The following GRM8 variants were observed in gnomAD, a reference collection of about 807,000 sequenced individuals.
GRM8 encodes the protein glutamate metabotropic receptor 8, also known as metabotropic glutamate receptor 8.
Under a neutral mutation model 87.2 loss-of-function variants are expected in GRM8, and 47 were observed. The observed-to-expected ratio is 0.54, with a 90% CI of 0.43 to 0.69. GRM8 has a LOEUF of 0.69. Among genes scored for constraint, GRM8 ranks in the 30% least tolerant of loss-of-function variants. GRM8 has a pLI of 0.00. For synonymous variants in GRM8, 396 were observed against 404.5 expected (o/e 0.98, Z 0.25); for missense variants, 1,019 against 1,139.2 (o/e 0.89, Z 1.52).
At chr7:127,096,466 A>T (rs1824664782) in intron 3 of GRM8, among the ~76,000 whole-genome samples, 1 of 152,050 alleles carries the variant, frequency 6.6e-6, no homozygotes. Flanking sequence ...AGACTGAGGT[A>T]GGAGAATCGC....
chr7:127,049,373 G>T (rs1372368073), intron 3 of GRM8, among the ~76,000 whole-genome samples: 4 of 152,240 alleles, frequency 2.6e-5, no homozygotes, highest in Admixed American at 6.5e-5. Flanking sequence ...ATACAAATTT[G>T]ATCTCCAGTT....
intron 7 of GRM8, among the ~76,000 whole-genome samples, chr7:126,634,477 T>C (rs1801652723): frequency 1.3e-5 from 2 of 152,180 alleles, no homozygotes; most frequent in African/African-American, 4.8e-5. Flanking sequence ...TTCCTTTGCA[T>C]TTCAAAACTT....
chr7:126,489,888 C>T (rs1163567650), intron 9 of GRM8, among the ~76,000 whole-genome samples: 2 of 151,974 alleles, frequency 1.3e-5, no homozygotes, highest in African/African-American at 4.8e-5. Context: ...CCAAATAGAA[C>T]CAAGACGCAA....
At chr7:126,537,498 C>T (rs955430945) in intron 8 of GRM8, among the ~76,000 whole-genome samples, 15 of 152,126 alleles carry the variant, frequency 9.9e-5, no homozygotes, top group African/African-American at 2.4e-4. Flanking sequence ...CTATTTGGAC[C>T]GGACGTGGTG....
At chr7:127,153,396 C>T (rs1199047833) in intron 2 of GRM8, among the ~76,000 whole-genome samples, 1 of 152,108 alleles carries the variant, frequency 6.6e-6, no homozygotes, top group African/African-American at 2.4e-5. Context: ...CAAATCCAGA[C>T]CACAGCCGAA....
intron 6 of GRM8, among the ~76,000 whole-genome samples, chr7:126,896,431 G>T (rs1197417040): frequency 6.6e-6 from 1 of 151,974 alleles, no homozygotes; most frequent in Non-Finnish European, 1.5e-5. Context: ...ACCTACCTGG[G>T]TTATCTTTCA....
intron 3 of GRM8, among the ~76,000 whole-genome samples, chr7:126,922,440 A>T (rs1233831697): frequency 1.3e-5 from 2 of 152,156 alleles, no homozygotes; most frequent in Admixed American, 1.3e-4. Context: ...ATCAAGAAAT[A>T]GCAACATGAA....
At chr7:127,136,650 A>G (rs1827958455) in intron 2 of GRM8, among the ~76,000 whole-genome samples, 1 of 152,012 alleles carries the variant, frequency 6.6e-6, no homozygotes, top group Admixed American at 6.6e-5. Flanking sequence ...ACATGTCAGC[A>G]TCTGTGCTGT....
intron 3 of GRM8, among the ~76,000 whole-genome samples, chr7:127,016,630 GCT>G (rs1339499961): frequency 1.3e-5 from 2 of 151,970 alleles, no homozygotes; most frequent in African/African-American, 4.8e-5. Context: ...ATAAACCATT[GCT>G]CTTTCTCAAT....
intron 9 of GRM8, among the ~76,000 whole-genome samples, chr7:126,473,537 T>C (rs1805551803): frequency 6.6e-6 from 1 of 152,204 alleles, no homozygotes; most frequent in South Asian, 2.1e-4. Context: ...CACAAGGGAT[T>C]TGCCTTGTCT....
chr7:127,079,115 TC>T (rs1013808598), intron 3 of GRM8, among the ~76,000 whole-genome samples: 18 of 151,818 alleles, frequency 1.2e-4, no homozygotes, highest in East Asian at 1.9e-4. Context: ...GCTTTGTGTT[TC>T]TTTTTTCTTT....
chr7:127,220,376 AG>A (rs1232584750), intron 2 of GRM8, among the ~76,000 whole-genome samples: 1 of 152,256 alleles, frequency 6.6e-6, no homozygotes, highest in Non-Finnish European at 1.5e-5. Flanking sequence ...TTACAAAAAA[AG>A]GATCTTTAAT....
At chr7:126,765,804 T>C (rs1818136281) in intron 7 of GRM8, among the ~76,000 whole-genome samples, 1 of 152,128 alleles carries the variant, frequency 6.6e-6, no homozygotes, top group Admixed American at 6.6e-5. Flanking sequence ...ACAGAAGATG[T>C]TAAGAAAACT....
In GRM8 at chr7:126,971,959, C is replaced by T. The variant is rs187851639; in HGVS notation, c.728-67276G>A. On this transcript the variant is annotated intron_variant, in intron 3 of 10. Coordinates refer to ENST00000339582, the MANE Select transcript of GRM8 (RefSeq NM_000845.3). ...GCAACAAGGCCTTCAATCCCTTTGC[C>T]GTATTTATAAGACACCAATCTGCAC... Among the ~76,000 whole-genome samples the T allele has an allele frequency of 2.1e-3, 316 of 152,194 alleles. 2 individuals are homozygous for T. The highest frequency in any genetic ancestry group is 2.5e-4 in the Non-Finnish European group (17 of 68,008).
intron 6 of GRM8, among the ~76,000 whole-genome samples, chr7:126,808,584 A>T (rs1792993096): frequency 1.3e-5 from 2 of 152,226 alleles, no homozygotes; most frequent in Non-Finnish European, 2.9e-5. Flanking sequence ...TAGAGCAAAC[A>T]TACAACATAG....
chr7:126,456,778 G>A (rs114988884), intron 9 of GRM8, among the ~76,000 whole-genome samples: 2,501 of 151,400 alleles, frequency 0.017, 90 homozygotes, highest in African/African-American at 0.058. Flanking sequence ...TTCAATTGCC[G>A]ACTAGTAGAA....
At chr7:126,609,594 T>C in intron 7 of GRM8, 96 bp from the exon 8 acceptor site, 5 of 860,050 alleles carry the variant, frequency 5.8e-6, no homozygotes, top group Non-Finnish European at 7.2e-6. Context: ...AAAAATATAT[T>C]GTGTGAAGTA....
chr7:127,194,100 G>C (rs535169114), intron 2 of GRM8, among the ~76,000 whole-genome samples: 1 of 152,150 alleles, frequency 6.6e-6, no homozygotes, highest in Non-Finnish European at 1.5e-5. Flanking sequence ...CAAAGATGTA[G>C]CTTCCCCTCA....
At chr7:126,642,291 T>A (rs190966215) in intron 7 of GRM8, among the ~76,000 whole-genome samples, 2 of 152,278 alleles carry the variant, frequency 1.3e-5, no homozygotes, top group Admixed American at 1.3e-4. Flanking sequence ...GCACCACACA[T>A]CATTAGACTT....
Sources: gnomAD v4.1 joint callset for allele counts (sites outside exome capture counted in the v4.1 genomes callset) on GRCh38, gnomAD v4.1.1 for gene constraint, MANE v1.5 for transcripts, NCBI Gene and HGNC (gene_info 2026-07-23, HGNC 2026-07-21) for gene names.